The following DCC variants were observed in gnomAD, a reference collection of about 807,000 sequenced individuals.
The protein encoded by DCC is netrin receptor DCC.
Under a neutral mutation model 172.5 loss-of-function variants are expected in DCC, and 58 were observed. That is an observed-to-expected ratio of 0.34 (90% confidence interval 0.27 to 0.42). The LOEUF (loss-of-function observed/expected upper bound fraction) is 0.42. Ranked by LOEUF, DCC falls within the 10% of genes least tolerant of loss-of-function variation. DCC has a pLI of 1.00. For missense variants in DCC, 1,740 were observed against 1,791.0 expected (o/e 0.97, Z 0.51); for synonymous variants, 709 against 644.5 (o/e 1.10, Z -1.52).
intron 2 of DCC, among the ~76,000 whole-genome samples, chr18:52,875,205 A>C (rs1437978798): frequency 6.7e-6 from 1 of 149,592 alleles, no homozygotes; most frequent in Non-Finnish European, 1.5e-5. Flanking sequence ...ATAATAAACA[A>C]AGTTAAAACA....
At chr18:52,976,919 C>A (rs2041127690) in intron 5 of DCC, among the ~76,000 whole-genome samples, 1 of 152,246 alleles carries the variant, frequency 6.6e-6, no homozygotes, top group East Asian at 1.9e-4. Flanking sequence ...TTACATTATT[C>A]TGGAATGTCC....
At position 52,371,321 on chromosome 18, in the gene DCC, A is replaced by C. The variant is rs370314198; in HGVS notation, c.91+30443A>C. Among the ~76,000 whole-genome samples, 95 of 152,348 alleles carry C rather than the reference A, an allele frequency of 6.2e-4. 2 individuals carry two copies. The South Asian group carries it at 0.019, about 31-fold the overall frequency. ...ACAATCTGGGAAATACCAAAGTGAA[A>C]ATAGTGTTTCTGCTTTTAGATCAAA... On this transcript the variant is annotated intron_variant, in intron 1 of 28. Transcript: ENST00000442544.
intron 2 of DCC, among the ~76,000 whole-genome samples, chr18:52,829,302 C>T (rs893005746): frequency 6.6e-6 from 1 of 152,194 alleles, no homozygotes; most frequent in Non-Finnish European, 1.5e-5. Flanking sequence ...GGTGAACTTA[C>T]AGTAGGATCC....
chr18:53,483,100 G>T (rs564258580), intron 25 of DCC, among the ~76,000 whole-genome samples: 1 of 151,854 alleles, frequency 6.6e-6, no homozygotes, highest in East Asian at 1.9e-4. Context: ...AAGACACAAA[G>T]ACAACAAAAT....
chr18:53,385,092 T>G (rs1051262955), intron 15 of DCC, among the ~76,000 whole-genome samples: 2 of 151,730 alleles, frequency 1.3e-5, no homozygotes, highest in African/African-American at 4.8e-5. Flanking sequence ...CTCAATACAT[T>G]TTTATTGCTT....
intron 11 of DCC, among the ~76,000 whole-genome samples, 176 bp downstream of exon 11, chr18:53,207,993 G>T (rs2055680132): frequency 6.6e-6 from 1 of 152,014 alleles, no homozygotes; most frequent in South Asian, 2.1e-4. Context: ...GCTGGATGTG[G>T]TAGTTCACAC....
At chr18:53,240,911 T>C (rs372715487) in intron 12 of DCC, among the ~76,000 whole-genome samples, 16 of 152,350 alleles carry the variant, frequency 1.1e-4, no homozygotes, top group East Asian at 7.7e-4. Context: ...CTTGTTGTAC[T>C]GTTTGCATAT....
rs992177828 is a variant in DCC, at chr18:53,511,595, G to T, written c.4111+12085G>T. Among the ~76,000 whole-genome samples the T allele has an allele frequency of 3.9e-5, 6 of 152,204 alleles. No individual in the cohort carries two copies. In the South Asian group the frequency reaches 1.2e-3, roughly 32 times the overall value. The stretch of plus-strand genomic sequence containing the variant: ...TGCCAGACAGTGGGCGCAGGTCAGT[G>T]GGTGCGCACACCGTGCGCGAGCCAA... On this transcript the variant is annotated intron_variant, in intron 27 of 28. Transcript: ENST00000442544.
intron 1 of DCC, among the ~76,000 whole-genome samples, chr18:52,587,823 A>G (rs984320697): frequency 6.6e-6 from 1 of 152,034 alleles, no homozygotes; most frequent in Non-Finnish European, 1.5e-5. Context: ...TTCTCTGTCA[A>G]CTGATCATGG....
chr18:52,640,410 A>G (rs1358385234), intron 1 of DCC, among the ~76,000 whole-genome samples: 2 of 152,186 alleles, frequency 1.3e-5, no homozygotes, highest in Admixed American at 6.5e-5. Flanking sequence ...GGTAAAGAGG[A>G]AGTTGAACTG....
intron 12 of DCC, among the ~76,000 whole-genome samples, chr18:53,219,952 G>C (rs990403167): frequency 1.3e-5 from 2 of 152,030 alleles, no homozygotes; most frequent in Non-Finnish European, 2.9e-5. Context: ...GATAACTGCA[G>C]AAGGACATGC....
At chr18:53,175,612 A>G in intron 8 of DCC, among the ~76,000 whole-genome samples, 1 of 151,250 alleles carries the variant, frequency 6.6e-6, no homozygotes, top group Non-Finnish European at 1.5e-5. Flanking sequence ...TAGGAATCCA[A>G]CTTACAAGGG....
chr18:53,376,340 C>T (rs1044612670), intron 15 of DCC, among the ~76,000 whole-genome samples: 1 of 151,984 alleles, frequency 6.6e-6, no homozygotes, highest in African/African-American at 2.4e-5. Flanking sequence ...GCCAAGATAG[C>T]GCCACTGAAC....
rs1433396194 is a variant in DCC at position 52,684,728 on chromosome 18, CA to C, written c.92-67322del. Reference sequence around the variant, plus strand: ...CTGGACTGGCCTTTTACATAGTTTCCAAAACACTTAAAATATTCAGAAAAAA... The same window carrying C: ...CTGGACTGGCCTTTTACATAGTTTCCAAACACTTAAAATATTCAGAAAAAA... On this transcript the variant is annotated intron_variant, in intron 1 of 28. Coordinates refer to ENST00000442544, the MANE Select transcript of DCC (RefSeq NM_005215.4). Among the ~76,000 whole-genome samples, 6 of 134,834 alleles carry C rather than the reference CA, an allele frequency of 4.4e-5. No individual in the cohort carries two copies. The Admixed American group carries it at 4.9e-4, about 11-fold the overall frequency. 88.5% of individuals were successfully genotyped at this position (134,834 alleles called of 152,430 possible). A position where few individuals can be genotyped will look rare whatever the true frequency, so the allele number is the denominator to read the frequency against.
intron 16 of DCC, among the ~76,000 whole-genome samples, chr18:53,391,032 G>A (rs553288330): frequency 6.6e-6 from 1 of 152,280 alleles, no homozygotes; most frequent in Non-Finnish European, 1.5e-5. Context: ...GGGATCATGT[G>A]TACCTGGTCA....
chr18:53,466,979 T>G (rs1041840896), intron 24 of DCC, among the ~76,000 whole-genome samples: 3 of 152,138 alleles, frequency 2.0e-5, no homozygotes, highest in Non-Finnish European at 4.4e-5. Context: ...GCTGTTAATT[T>G]TTTAAAAAAT....
At chr18:52,503,273 A>C (rs1293544064) in intron 1 of DCC, among the ~76,000 whole-genome samples, 2 of 152,144 alleles carry the variant, frequency 1.3e-5, no homozygotes, top group African/African-American at 4.8e-5. Context: ...CGAGAGTAAA[A>C]GGGAGCTAGT....
chr18:52,858,676 C>T (rs113805261), intron 2 of DCC, among the ~76,000 whole-genome samples: 3,240 of 152,214 alleles, frequency 0.021, 96 homozygotes, highest in African/African-American at 0.07. Flanking sequence ...GAAAACCATG[C>T]TGGAAAAGGC....
intron 5 of DCC, among the ~76,000 whole-genome samples, chr18:52,927,101 A>G (rs1205692710): frequency 9.0e-6 from 1 of 111,586 alleles, no homozygotes; most frequent in East Asian, 2.4e-4. Flanking sequence ...ATATACGTGT[A>G]TATACACGTA....
Sources: gnomAD v4.1 joint callset for allele counts (sites outside exome capture counted in the v4.1 genomes callset) on GRCh38, gnomAD v4.1.1 for gene constraint, MANE v1.5 for transcripts, NCBI Gene and HGNC (gene_info 2026-07-23, HGNC 2026-07-21) for gene names.